GPR39: variants seen among roughly 807,000 people sequenced by gnomAD.
GPR39 encodes G protein-coupled receptor 39, also known as zinc sensing receptor.
In GPR39, 23 loss-of-function variants were observed where a neutral mutation model predicts 18.4. The ratio of observed to expected loss-of-function variants is 1.25; its 90% CI spans 0.90 to 1.77. GPR39 has a LOEUF of 1.77. Among genes scored for constraint, GPR39 ranks in the 40% most tolerant of loss-of-function variants. The pLI is 0.00. For missense variants in GPR39, 647 were observed against 602.4 expected (o/e 1.07, Z -0.78); for synonymous variants, 280 against 257.9 (o/e 1.09, Z -0.82).
chr2:132,645,392 ACAGCGCCCGCTTTGTG>A lies in GPR39; in HGVS notation c.1158_1173del (p.Phe387CysfsTer19), dbSNP rs761938602. The A allele has an allele frequency of 4.3e-6, 7 of 1,613,642 alleles. No homozygotes were observed. The highest frequency in any genetic ancestry group is 1.1e-5 in the South Asian group (1 of 91,072). On this transcript the variant is annotated frameshift_variant, in exon 2 of 2. Coordinates refer to ENST00000329321, the MANE Select transcript of GPR39 (RefSeq NM_001508.3). LOFTEE classifies it low-confidence loss of function (END_TRUNC). ...CGCGTACATGCGCACTCCACCACCG[ACAGCGCCCGCTTTGTG>A]CAGCGCCCGTTGCTCTTCGCGTCCC...
In GPR39 at chr2:132,557,996, TG is replaced by T. The variant is rs1195725748; in HGVS notation, c.857-87100del. On this transcript the variant is annotated intron_variant, in intron 1 of 1. Coordinates refer to ENST00000329321, the MANE Select transcript of GPR39 (RefSeq NM_001508.3). The stretch of plus-strand genomic sequence containing the variant: ...GCACTGAGTGGTGGTGGTGGTGGGG[TG>T]GGGGTGGTCCTGGGGCAGCTTGTCC... 3.2e-5 allele frequency among the ~76,000 whole-genome samples: 4 copies of T among 123,214 alleles called. No individual in the cohort carries two copies. The East Asian group carries it at 1.0e-3, about 32-fold the overall frequency. 80.8% of individuals were successfully genotyped at this position (123,214 alleles called of 152,430 possible). A position where few individuals can be genotyped will look rare whatever the true frequency, so the allele number is the denominator to read the frequency against.
chr2:132,559,101 A>G (rs564267810), intron 1 of GPR39, among the ~76,000 whole-genome samples: 83 of 152,356 alleles, frequency 5.4e-4, no homozygotes, highest in Middle Eastern at 3.4e-3. Flanking sequence ...CATGCTCGGA[A>G]TCAAATAGAG....
chr2:132,509,571 T>C (rs1330120449), intron 1 of GPR39, among the ~76,000 whole-genome samples: 1 of 152,166 alleles, frequency 6.6e-6, no homozygotes, highest in African/African-American at 2.4e-5. Flanking sequence ...ACATTTTCAT[T>C]CCTCAAAAAA....
chr2:132,531,397 T>G (rs138351830), intron 1 of GPR39, among the ~76,000 whole-genome samples: 3,029 of 152,182 alleles, frequency 0.02, 106 homozygotes, highest in African/African-American at 0.07. Context: ...TCCCACACAA[T>G]AATAATGGGA....
chr2:132,494,781 C>T (rs529068168), intron 1 of GPR39, among the ~76,000 whole-genome samples: 1 of 152,172 alleles, frequency 6.6e-6, no homozygotes, highest in Admixed American at 6.5e-5. Flanking sequence ...ATCTGATTTC[C>T]TCCTTTCTTT....
intron 1 of GPR39, among the ~76,000 whole-genome samples, chr2:132,611,082 A>T (rs1681231958): frequency 1.3e-5 from 2 of 152,174 alleles, no homozygotes; most frequent in Non-Finnish European, 1.5e-5. Context: ...TATCTACCTC[A>T]CTGTGCACAA....
rs749383684 is a variant in GPR39 at position 132,646,491 on chromosome 2, G to C, written c.*885G>C. 5.0e-6 allele frequency: 2 copies of C among 399,648 alleles called. No individual in the cohort carries two copies. Among genetic ancestry groups the C allele is most frequent in the East Asian group, 3.6e-5 (1 of 27,894 alleles). 24.8% of individuals were successfully genotyped at this position (399,648 alleles called of 1,614,324 possible). On this transcript the variant is annotated 3_prime_UTR_variant, in exon 2 of 2. Coordinates refer to ENST00000329321, the MANE Select transcript of GPR39 (RefSeq NM_001508.3). ...CTATTTCATTAGTTTTAACAAAACT[G>C]TTCCAAAAGCGATTTGAGATGCCAA...
At chr2:132,505,960 T>G (rs1055028037) in intron 1 of GPR39, among the ~76,000 whole-genome samples, 1 of 152,240 alleles carries the variant, frequency 6.6e-6, no homozygotes, top group Non-Finnish European at 1.5e-5. Context: ...AATTTTAGTT[T>G]TTTGAGAAAT....
Position 132,602,066 on chromosome 2 carries a change from A to C in GPR39, c.857-43035A>C, listed in dbSNP as rs186593439. Among the ~76,000 whole-genome samples, 16 of 152,272 alleles carry C rather than the reference A, an allele frequency of 1.1e-4. No homozygotes were observed. The East Asian group carries it at 3.1e-3, about 29-fold the overall frequency. On this transcript the variant is annotated intron_variant, in intron 1 of 1. Coordinates refer to ENST00000329321, the MANE Select transcript of GPR39 (RefSeq NM_001508.3). ...AAACCTTAAATTAGTATGGAACCAC[A>C]AAAGACCCCAAATAGCCAAAGCAAT...
intron 1 of GPR39, among the ~76,000 whole-genome samples, chr2:132,431,046 G>A (rs929014109): frequency 1.3e-5 from 2 of 152,168 alleles, no homozygotes; most frequent in Non-Finnish European, 2.9e-5. Context: ...TCCTGCTTCT[G>A]AAATGCTGCT....
chr2:132,646,329 A>G lies in GPR39; in HGVS notation c.*723A>G, dbSNP rs1682075810. 2 of 1,303,076 alleles carry G rather than the reference A, an allele frequency of 1.5e-6. No individual in the cohort carries two copies. Among genetic ancestry groups the G allele is most frequent in the East Asian group, 2.7e-5 (1 of 36,366 alleles). The allele number at this position is 1,303,076 out of a possible 1,614,324, so 80.7% of individuals were successfully genotyped here. On this transcript the variant is annotated 3_prime_UTR_variant, in exon 2 of 2. Transcript: ENST00000329321. ...TGAGTTAACGTGCACCGGCAAAAGA[A>G]TAGCTGTCCCTCTCAGCCCAAATCC... is the stretch of plus-strand genomic sequence containing the variant.
At chr2:132,526,411 T>C (rs1224203509) in intron 1 of GPR39, among the ~76,000 whole-genome samples, 1 of 152,194 alleles carries the variant, frequency 6.6e-6, no homozygotes, top group African/African-American at 2.4e-5. Flanking sequence ...ATGGTTTTCT[T>C]CTACCTGGGG....
chr2:132,450,248 C>A (rs1398721625), intron 1 of GPR39, among the ~76,000 whole-genome samples: 1 of 152,148 alleles, frequency 6.6e-6, no homozygotes, highest in African/African-American at 2.4e-5. Context: ...TGTAACTGTA[C>A]CTGCTAGGGC....
At chr2:132,622,153 G>C (rs553260587) in intron 1 of GPR39, among the ~76,000 whole-genome samples, 2 of 152,310 alleles carry the variant, frequency 1.3e-5, no homozygotes, top group Non-Finnish European at 2.9e-5. Context: ...CAGCATTTTG[G>C]GAGGCTGAGG....
intron 1 of GPR39, among the ~76,000 whole-genome samples, chr2:132,622,710 G>A (rs900679966): frequency 5.3e-5 from 8 of 152,292 alleles, no homozygotes; most frequent in Non-Finnish European, 1.2e-4. Flanking sequence ...CTAAAAATTT[G>A]GAGTTGATAG....
chr2:132,451,928 C>T, intron 1 of GPR39, among the ~76,000 whole-genome samples: 1 of 152,146 alleles, frequency 6.6e-6, no homozygotes, highest in Non-Finnish European at 1.5e-5. Context: ...TTCCATTCAA[C>T]TCTTGGGTGG....
At chr2:132,615,670 T>G (rs1190675708) in intron 1 of GPR39, among the ~76,000 whole-genome samples, 2 of 152,224 alleles carry the variant, frequency 1.3e-5, no homozygotes, top group African/African-American at 2.4e-5. Flanking sequence ...AATACACTTC[T>G]CTAGCAAGAG....
chr2:132,533,574 C>T (rs1679683498), intron 1 of GPR39, among the ~76,000 whole-genome samples: 1 of 152,000 alleles, frequency 6.6e-6, no homozygotes, highest in Admixed American at 6.6e-5. Flanking sequence ...CTGGAGGCAT[C>T]CCACTACCTG....
intron 1 of GPR39, among the ~76,000 whole-genome samples, chr2:132,515,831 C>T (rs1321504894): frequency 6.6e-6 from 1 of 152,122 alleles, no homozygotes; most frequent in Non-Finnish European, 1.5e-5. Context: ...TTGCTAAGTT[C>T]CTCCCTGTTT....
Sources: allele counts gnomAD v4.1 joint callset (sites outside exome capture counted in the v4.1 genomes callset), GRCh38; gene constraint gnomAD v4.1.1; transcripts MANE v1.5; gene names NCBI Gene and HGNC (gene_info 2026-07-23, HGNC 2026-07-21).